The following EIF2A variants were observed in gnomAD, a reference collection of about 807,000 sequenced individuals.
The protein encoded by EIF2A is eukaryotic translation initiation factor 2A.
A neutral mutation model predicts 75.2 loss-of-function variants in EIF2A; 62 were observed. The ratio of observed to expected loss-of-function variants is 0.82; its 90% CI spans 0.67 to 1.02. The LOEUF (loss-of-function observed/expected upper bound fraction) is 1.02. EIF2A is among the 50% of genes least tolerant of loss of function. EIF2A has a pLI of 0.00. For missense variants in EIF2A, 611 were observed against 677.7 expected (o/e 0.90, Z 1.09); for synonymous variants, 207 against 239.0 (o/e 0.87, Z 1.23).
At chr3:150,563,416 C>A in intron 4 of EIF2A, 99 bp from the exon 5 acceptor site, 1 of 897,952 alleles carries the variant, frequency 1.1e-6, no homozygotes, top group Non-Finnish European at 1.7e-6. Flanking sequence ...ATGATTTAAC[C>A]CATTTGATAG....
Position 150,581,634 on chromosome 3 carries a change from A to G in EIF2A, c.1514A>G (p.Lys505Arg), listed in dbSNP as rs1725180141. The change falls in exon 12 of 14, where the codon AAG becomes AGG. Residue 505 changes from lysine (K) to arginine (R), a missense_variant. Coordinates refer to ENST00000460851, the MANE Select transcript of EIF2A (RefSeq NM_032025.5). ...TTCCTGCAGGAAGCAAGAAGTGACA[A>G]GAGTCCAGATTTGGCACCTACTCCT... ...KAAKQEARSD[K>R]SPDLAPTPAP... 1 of 1,551,350 alleles carries G rather than the reference A, an allele frequency of 6.4e-7. No individual in the cohort carries two copies. The highest frequency in any genetic ancestry group is 2.4e-5 in the East Asian group (1 of 40,922).
At position 150,575,652 on chromosome 3, in the gene EIF2A, G is replaced by A. The variant is rs755277624; in HGVS notation, c.1387G>A (p.Glu463Lys). 2.6e-5 allele frequency: 41 copies of A among 1,604,854 alleles called. No individual in the cohort carries two copies. The highest frequency in any genetic ancestry group is 3.3e-5 in the Non-Finnish European group (39 of 1,177,192). Residue 463 changes from glutamate to lysine, a missense_variant, in exon 11 of 14, where the codon GAA becomes AAA. Glu to Lys is a moderately conservative substitution (Grantham distance 56). Transcript: ENST00000460851. ...AATTATTTTACATTTTCCATAGCAT[G>A]AAGAGGAACCACCTCAGAATATGAA... ...NKPITNSKLH[E>K]EEPPQNMKPQ...
intron 1 of EIF2A, among the ~76,000 whole-genome samples, chr3:150,551,638 G>T (rs540790992): frequency 6.6e-6 from 1 of 152,006 alleles, no homozygotes; most frequent in Non-Finnish European, 1.5e-5. Flanking sequence ...TGAGCCAGGA[G>T]CATCACTTAA....
chr3:150,554,934 T>G (rs1723482825), intron 2 of EIF2A, among the ~76,000 whole-genome samples: 1 of 135,646 alleles, frequency 7.4e-6, no homozygotes, highest in Non-Finnish European at 1.7e-5. Flanking sequence ...ATGATTTATA[T>G]GCACTTTTTT....
At chr3:150,561,306 G>A (rs550065716) in intron 3 of EIF2A, among the ~76,000 whole-genome samples, 3 of 152,186 alleles carry the variant, frequency 2.0e-5, no homozygotes, top group Non-Finnish European at 4.4e-5. Flanking sequence ...GGCCGGACAC[G>A]GTGGCTCATA....
chr3:150,562,247 C>A (rs1282109727), intron 3 of EIF2A, among the ~76,000 whole-genome samples: 1 of 151,810 alleles, frequency 6.6e-6, no homozygotes, highest in Admixed American at 6.6e-5. Flanking sequence ...ACGGTGAAAC[C>A]CCATCTCTAC....
chr3:150,562,778 A>G, intron 4 of EIF2A, 118 bp downstream of exon 4: 1 of 680,876 alleles, frequency 1.5e-6, no homozygotes, highest in Non-Finnish European at 2.4e-6. Context: ...GATAGTAAAT[A>G]GTGTTTGTGA....
chr3:150,557,917 A>C (rs952222246), intron 2 of EIF2A, among the ~76,000 whole-genome samples: 1 of 152,202 alleles, frequency 6.6e-6, no homozygotes, highest in African/African-American at 2.4e-5. Context: ...TGACTACACT[A>C]ATGTACATCT....
chr3:150,582,559 C>T (rs540617641), intron 12 of EIF2A, among the ~76,000 whole-genome samples: 1 of 152,254 alleles, frequency 6.6e-6, no homozygotes, highest in South Asian at 2.1e-4. Flanking sequence ...CATGATCTGC[C>T]TGTCTCAGCC....
chr3:150,547,834 G>T (rs1313874031), intron 1 of EIF2A, among the ~76,000 whole-genome samples: 2 of 152,006 alleles, frequency 1.3e-5, no homozygotes, highest in East Asian at 3.8e-4. Context: ...ATCAAACGCC[G>T]AGTATAATCT....
chr3:150,549,881 A>C (rs1225924018), intron 1 of EIF2A, among the ~76,000 whole-genome samples: 1 of 152,220 alleles, frequency 6.6e-6, no homozygotes, highest in Non-Finnish European at 1.5e-5. Flanking sequence ...AATTTATTCA[A>C]AATTGAGTGA....
chr3:150,555,867 C>G (rs1267380880), intron 2 of EIF2A, among the ~76,000 whole-genome samples: 1 of 152,124 alleles, frequency 6.6e-6, no homozygotes, highest in Non-Finnish European at 1.5e-5. Context: ...ATGGGATATA[C>G]TGAGGTGACC....
At chr3:150,547,769 T>C (rs1723120270) in intron 1 of EIF2A, among the ~76,000 whole-genome samples, 2 of 152,342 alleles carry the variant, frequency 1.3e-5, no homozygotes, top group South Asian at 4.1e-4. Context: ...ATCTTTGTTA[T>C]TAAGCGCCAT....
Position 150,563,589 on chromosome 3 carries a change from T to G in EIF2A, c.367T>G (p.Phe123Val), listed in dbSNP as rs1312235763. 6.5e-7 allele frequency: 1 copy of G among 1,535,240 alleles called. No homozygotes were observed. The highest frequency in any genetic ancestry group is 2.5e-5 in the East Asian group (1 of 40,476). ...DVKTGTCLKS[F>V]IQKKMQNWCP... ...GAAAACTGGGACATGTTTGAAATCTTTCATCCAGAAAAAAATGCAAAATTG... is the reference window on the plus strand; with the variant it reads ...GAAAACTGGGACATGTTTGAAATCTGTCATCCAGAAAAAAATGCAAAATTG... Residue 123 changes from phenylalanine (F) to valine (V), a missense_variant, in exon 5 of 14, where the codon TTC becomes GTC. Coordinates refer to ENST00000460851, the MANE Select transcript of EIF2A (RefSeq NM_032025.5).
At chr3:150,583,370 C>A in intron 13 of EIF2A, 105 bp downstream of exon 13, 1 of 1,091,710 alleles carries the variant, frequency 9.2e-7, no homozygotes, top group Non-Finnish European at 1.3e-6. Context: ...AGTTTAAAAA[C>A]TTATTTTGAA....
intron 9 of EIF2A, among the ~76,000 whole-genome samples, chr3:150,570,525 G>A (rs745866288): frequency 1.3e-5 from 2 of 149,836 alleles, no homozygotes; most frequent in Non-Finnish European, 3.0e-5. Flanking sequence ...AAGATCCTAC[G>A]GCTGTACTGC....
At chr3:150,563,222 A>G (rs1723984988) in intron 4 of EIF2A, among the ~76,000 whole-genome samples, 1 of 152,168 alleles carries the variant, frequency 6.6e-6, no homozygotes, top group African/African-American at 2.4e-5. Flanking sequence ...AGTAAATGAT[A>G]ATAGGTCATT....
Position 150,555,740 on chromosome 3 carries a change from AC to A in EIF2A, c.99-2647del, listed in dbSNP as rs1198287529. On this transcript the variant is annotated intron_variant, in intron 2 of 13. Transcript: ENST00000460851. ...CCCATATCTATTTAAAAAACAAAAA[AC>A]AAAAAAAAAACTATGGCAAAGTTAT... Among the ~76,000 whole-genome samples the A allele has an allele frequency of 9.9e-5, 15 of 152,054 alleles. No homozygotes were observed. In the East Asian group the frequency reaches 2.9e-3, roughly 30 times the overall value.
At chr3:150,579,805 T>C (rs1725069756) in intron 11 of EIF2A, among the ~76,000 whole-genome samples, 2 of 152,128 alleles carry the variant, frequency 1.3e-5, no homozygotes, top group Non-Finnish European at 2.9e-5. Flanking sequence ...CCCTATTCTA[T>C]GTTCCCTGAG....
Sources: gnomAD v4.1 joint callset for allele counts (sites outside exome capture counted in the v4.1 genomes callset) on GRCh38, gnomAD v4.1.1 for gene constraint, MANE v1.5 for transcripts, NCBI Gene and HGNC (gene_info 2026-07-23, HGNC 2026-07-21) for gene names.